Variants in FOXP1 observed in about 807,000 individuals in gnomAD.
FOXP1 encodes forkhead box protein P1.
In FOXP1, 15 loss-of-function variants were observed where a neutral mutation model predicts 98.2. The ratio of observed to expected loss-of-function variants is 0.15; its 90% CI spans 0.10 to 0.24. The LOEUF (loss-of-function observed/expected upper bound fraction) is 0.24. Ranked by LOEUF, FOXP1 falls within the 10% of genes least tolerant of loss-of-function variation. The pLI is 1.00. For synonymous variants in FOXP1, 371 were observed against 314.5 expected, an observed-to-expected ratio of 1.18 and a Z score of -1.90; for missense variants, 633 against 848.5, an observed-to-expected ratio of 0.75 and a Z score of 3.15.
intron 2 of FOXP1, among the ~76,000 whole-genome samples, chr3:71,545,440 C>T (rs1442078006): frequency 4.6e-5 from 7 of 152,158 alleles, no homozygotes; most frequent in Admixed American, 4.6e-4. Flanking sequence ...ATCAGAGTTA[C>T]ACAAGATTTC....
rs185850078 is a variant in FOXP1, at chr3:70,957,469, T to C, written c.*1778A>G. On this transcript the variant is annotated 3_prime_UTR_variant, in exon 21 of 21. Transcript: ENST00000649528. ...TAAGAGGATATTTGGCTTCATCAGA[T>C]AAAGCATAAAACAGAGAACATAATT... 2.2e-5 allele frequency: 5 copies of C among 230,534 alleles called. No individual in the cohort carries two copies. In the East Asian group the frequency reaches 2.5e-4, roughly 11 times the overall value. 14.3% of individuals were successfully genotyped at this position (230,534 alleles called of 1,614,324 possible).
chr3:71,302,540 T>TA, intron 4 of FOXP1, among the ~76,000 whole-genome samples: 1 of 148,744 alleles, frequency 6.7e-6, no homozygotes, highest in Middle Eastern at 3.5e-3. Context: ...AAGATAAAGA[T>TA]AAAAGAAATA....
At chr3:71,035,350 G>A (rs1379058642) in intron 11 of FOXP1, among the ~76,000 whole-genome samples, 2 of 152,214 alleles carry the variant, frequency 1.3e-5, no homozygotes, top group African/African-American at 4.8e-5. Flanking sequence ...CCAGGCTAAT[G>A]GTGAAGGTCA....
chr3:70,990,280 C>T (rs1240609717), intron 13 of FOXP1, among the ~76,000 whole-genome samples: 5 of 152,138 alleles, frequency 3.3e-5, no homozygotes, highest in Admixed American at 2.0e-4. Context: ...ACTGTTTTAA[C>T]AATTACAGAA....
rs77396815 is a variant in FOXP1 at position 71,524,428 on chromosome 3, T to C, written c.-297-30873A>G. Among the ~76,000 whole-genome samples, 278 of 151,792 alleles carry C rather than the reference T, an allele frequency of 1.8e-3. 3 individuals are homozygous for C. The highest frequency in any genetic ancestry group is 0.018 in the East Asian group (92 of 5,134). On this transcript the variant is annotated intron_variant, in intron 2 of 20. Coordinates refer to ENST00000649528, the MANE Select transcript of FOXP1 (RefSeq NM_001349338.3). Reference sequence around the variant, plus strand: ...ATGAATGCACCTTCCAAAAACTCAATCAAGTTTTAAGTCTAGCAGAACCAG... The same window carrying C: ...ATGAATGCACCTTCCAAAAACTCAACCAAGTTTTAAGTCTAGCAGAACCAG...
intron 14 of FOXP1, among the ~76,000 whole-genome samples, chr3:70,986,754 TAA>T (rs1248617393): frequency 1.3e-5 from 1 of 79,474 alleles, no homozygotes; most frequent in African/African-American, 5.8e-5. Context: ...TACTGTAAAA[TAA>T]TACACGGAAA....
intron 11 of FOXP1, 108 bp downstream of exon 11, chr3:71,041,220 C>T (rs1016476492): frequency 1.5e-5 from 13 of 867,458 alleles, no homozygotes; most frequent in Non-Finnish European, 2.6e-5. Flanking sequence ...TATGCACATT[C>T]AAGTCACATG....
intron 6 of FOXP1, among the ~76,000 whole-genome samples, chr3:71,171,722 A>G (rs2061662873): frequency 6.6e-6 from 1 of 152,204 alleles, no homozygotes. Context: ...TTTCAGAGGG[A>G]GACACAGACT....
In FOXP1 at chr3:71,041,357, C is replaced by G. The variant is rs375611825; in HGVS notation, c.840G>C (p.Gln280His). ...CCCTTTTGGGAGTGTGGACTGAGAG[C>G]TGTCCATTGGTAGAGGCATGTGGGT... ...IMNPHASTNG[Q>H]LSVHTPKRES... Residue 280 changes from glutamine (Q) to histidine (H), a missense_variant, in exon 11 of 21, where the codon CAG becomes CAC. Physicochemically the swap from Gln to His is conservative, Grantham distance 24 (BLOSUM62 0). Coordinates refer to ENST00000649528, the MANE Select transcript of FOXP1 (RefSeq NM_001349338.3). 4 of 1,613,554 alleles carry G rather than the reference C, an allele frequency of 2.5e-6. No individual in the cohort carries two copies. Among genetic ancestry groups the G allele is most frequent in the Non-Finnish European group, 3.4e-6 (4 of 1,179,758 alleles).
intron 6 of FOXP1, among the ~76,000 whole-genome samples, chr3:71,147,554 C>T (rs2060370053): frequency 6.6e-6 from 1 of 152,178 alleles, no homozygotes; most frequent in African/African-American, 2.4e-5. Context: ...TCATTCTGTT[C>T]CACTGTCCTC....
At chr3:71,442,031 C>G (rs1289310056) in intron 3 of FOXP1, among the ~76,000 whole-genome samples, 2 of 152,238 alleles carry the variant, frequency 1.3e-5, no homozygotes, top group Non-Finnish European at 2.9e-5. Context: ...CCTTCCCATT[C>G]AGAAGTCATG....
chr3:71,099,124 C>A (rs942135378), intron 7 of FOXP1, among the ~76,000 whole-genome samples: 4 of 152,178 alleles, frequency 2.6e-5, no homozygotes, highest in Admixed American at 6.5e-5. Context: ...AAACGATGGT[C>A]CACATTACAC....
At position 71,524,539 on chromosome 3, in the gene FOXP1, TAA is replaced by T. The variant is rs35974535; in HGVS notation, c.-297-30986_-297-30985del. Among the ~76,000 whole-genome samples, 1,036 of 128,874 alleles carry T rather than the reference TAA, an allele frequency of 8.0e-3. 7 individuals are homozygous for T. The highest frequency in any genetic ancestry group is 0.019 in the African/African-American group (655 of 35,234). The allele number at this position is 128,874 out of a possible 152,430, so 84.5% of individuals were successfully genotyped here. A position where few individuals can be genotyped will look rare whatever the true frequency, so the allele number is the denominator to read the frequency against. On this transcript the variant is annotated intron_variant, in intron 2 of 20. Coordinates refer to ENST00000649528, the MANE Select transcript of FOXP1 (RefSeq NM_001349338.3). The stretch of plus-strand genomic sequence containing the variant: ...CTTGCTAGCAAATGCAAATAAATCT[TAA>T]AAAAAAAAAAAAAAAAGCAAGCCAA...
intron 3 of FOXP1, among the ~76,000 whole-genome samples, chr3:71,437,379 C>T (rs936525242): frequency 1.3e-5 from 2 of 152,130 alleles, no homozygotes; most frequent in Non-Finnish European, 2.9e-5. Context: ...TGCACTCCAG[C>T]CTGAGTGACA....
chr3:71,047,843 C>T (rs1031871797), intron 9 of FOXP1, among the ~76,000 whole-genome samples: 1 of 152,104 alleles, frequency 6.6e-6, no homozygotes, highest in Admixed American at 6.5e-5. Flanking sequence ...AGGGGCTTTA[C>T]GATATGATAA....
chr3:71,176,074 T>C (rs897960016), intron 6 of FOXP1, among the ~76,000 whole-genome samples: 11 of 152,216 alleles, frequency 7.2e-5, no homozygotes, highest in African/African-American at 2.7e-4. Flanking sequence ...AATAATTTCC[T>C]CAAGAAACAC....
At chr3:71,389,800 AC>A (rs1387223395) in intron 3 of FOXP1, among the ~76,000 whole-genome samples, 1 of 152,172 alleles carries the variant, frequency 6.6e-6, no homozygotes, top group Non-Finnish European at 1.5e-5. Context: ...ATCCACAAGA[AC>A]ATAAAGTGAA....
At chr3:71,006,731 C>T (rs1008091663) in intron 12 of FOXP1, among the ~76,000 whole-genome samples, 1 of 152,094 alleles carries the variant, frequency 6.6e-6, no homozygotes, top group Non-Finnish European at 1.5e-5. Context: ...TATAAGAACA[C>T]TCAACAATGC....
chr3:71,404,129 T>TTC (rs2082143775), intron 3 of FOXP1, among the ~76,000 whole-genome samples: 1 of 128,268 alleles, frequency 7.8e-6, no homozygotes, highest in African/African-American at 2.8e-5. Context: ...TCTTTTTTTT[T>TTC]TTTTTTTTTT....
Sources: allele counts gnomAD v4.1 joint callset (sites outside exome capture counted in the v4.1 genomes callset), GRCh38; gene constraint gnomAD v4.1.1; transcripts MANE v1.5; gene names NCBI Gene and HGNC (gene_info 2026-07-23, HGNC 2026-07-21).